The following CLYBL variants were observed in gnomAD, a reference collection of about 807,000 sequenced individuals.
The protein encoded by CLYBL is citramalyl-CoA lyase, also known as citramalyl-CoA lyase, mitochondrial.
A neutral mutation model predicts 38.9 loss-of-function variants in CLYBL; 31 were observed. That is an observed-to-expected ratio of 0.80 (90% CI 0.60 to 1.08). The LOEUF is 1.08. Ranked by LOEUF, CLYBL falls within the 50% of genes least tolerant of loss-of-function variation. The pLI is 0.00. For missense variants in CLYBL, 434 were observed against 411.6 expected (o/e 1.05, Z -0.47); for synonymous variants, 171 against 158.6 (o/e 1.08, Z -0.59).
intron 7 of CLYBL, chr13:99,884,898 G>A (rs765435571): frequency 2.2e-6 from 1 of 455,266 alleles, no homozygotes; most frequent in South Asian, 1.6e-5. Flanking sequence ...GACAACTACA[G>A]TCCCTTCCCT....
chr13:99,706,180 T>A (rs1200233489), intron 1 of CLYBL, among the ~76,000 whole-genome samples: 1 of 152,128 alleles, frequency 6.6e-6, no homozygotes, highest in Non-Finnish European at 1.5e-5. Context: ...TCCACCCACT[T>A]TGGCCTCCCA....
chr13:99,864,725 GAGTC>G, intron 4 of CLYBL, 89 bp from the exon 5 acceptor site: 1 of 819,268 alleles, frequency 1.2e-6, no homozygotes, highest in Non-Finnish European at 2.1e-6. Flanking sequence ...ACTGTGTTAA[GAGTC>G]AGGTCGTCCT....
At chr13:99,635,737 A>G (rs9517809) in intron 1 of CLYBL, among the ~76,000 whole-genome samples, 4,008 of 152,270 alleles carry the variant, frequency 0.026, 82 homozygotes, top group Middle Eastern at 0.11. Flanking sequence ...TTGGAGTTGG[A>G]CAGATTTGGT....
At chr13:99,634,766 A>G (rs1403093197) in intron 1 of CLYBL, among the ~76,000 whole-genome samples, 1 of 152,238 alleles carries the variant, frequency 6.6e-6, no homozygotes, top group Non-Finnish European at 1.5e-5. Context: ...TGTAAGGAAT[A>G]TGACAGAAAT....
intron 3 of CLYBL, among the ~76,000 whole-genome samples, chr13:99,862,765 G>A (rs766391332): frequency 6.6e-6 from 1 of 152,076 alleles, no homozygotes; most frequent in African/African-American, 2.4e-5. Context: ...TCCTTTGGGA[G>A]AAAAAAATTG....
intron 2 of CLYBL, among the ~76,000 whole-genome samples, chr13:99,842,376 C>T (rs187137668): frequency 2.6e-5 from 4 of 152,252 alleles, no homozygotes; most frequent in African/African-American, 9.6e-5. Flanking sequence ...AGAGAAAGAC[C>T]TTCCTGCTTC....
intron 1 of CLYBL, among the ~76,000 whole-genome samples, chr13:99,750,087 G>A (rs2048927090): frequency 6.6e-6 from 1 of 152,142 alleles, no homozygotes; most frequent in Non-Finnish European, 1.5e-5. Flanking sequence ...GTAACCATTG[G>A]AATTGCCAGA....
intron 6 of CLYBL, among the ~76,000 whole-genome samples, chr13:99,867,112 AG>A: frequency 6.6e-6 from 1 of 152,244 alleles, no homozygotes; most frequent in Non-Finnish European, 1.5e-5. Flanking sequence ...CCACAATAGG[AG>A]TCTACACACA....
At chr13:99,772,749 T>C (rs2049422666) in intron 1 of CLYBL, 75 bp from the exon 2 acceptor site, 2 of 1,216,864 alleles carry the variant, frequency 1.6e-6, no homozygotes, top group East Asian at 4.9e-5. Flanking sequence ...TAATTTTGCA[T>C]TAAAATATAG....
chr13:99,710,881 C>CT (rs748011707), intron 1 of CLYBL, among the ~76,000 whole-genome samples: 7,361 of 83,878 alleles, frequency 0.088, 270 homozygotes, highest in Admixed American at 0.13. Context: ...TTTCTAACCC[C>CT]TTTTTTTTTT....
intron 1 of CLYBL, among the ~76,000 whole-genome samples, chr13:99,646,286 A>C (rs897276002): frequency 2.0e-5 from 3 of 151,874 alleles, no homozygotes; most frequent in Non-Finnish European, 4.4e-5. Context: ...AGCCCCTTTT[A>C]ATTTCTAATG....
chr13:99,835,155 C>T (rs1047240758), intron 2 of CLYBL, among the ~76,000 whole-genome samples: 6 of 152,216 alleles, frequency 3.9e-5, no homozygotes, highest in Admixed American at 6.5e-5. Flanking sequence ...GTCGCCTCTA[C>T]CCTCTATGAG....
At chr13:99,822,801 C>T (rs1172898128) in intron 2 of CLYBL, among the ~76,000 whole-genome samples, 2 of 152,128 alleles carry the variant, frequency 1.3e-5, no homozygotes, top group Non-Finnish European at 2.9e-5. Context: ...TTTGTTCTTC[C>T]CCAAGTCTTT....
At chr13:99,738,689 C>T (rs1038793897) in intron 1 of CLYBL, among the ~76,000 whole-genome samples, 12 of 152,074 alleles carry the variant, frequency 7.9e-5, no homozygotes, top group African/African-American at 1.4e-4. Context: ...ATGGAAACCC[C>T]GAAAACTTAG....
At position 99,661,648 on chromosome 13, in the gene CLYBL, G is replaced by A. The variant is rs558275889; in HGVS notation, c.62+54891G>A. On this transcript the variant is annotated intron_variant, in intron 1 of 8. Transcript: ENST00000339105. ...CCAAGTATATTAAACATAAGAATTT[G>A]GGGTCTTTGTTACGGAAATAGATTT... Among the ~76,000 whole-genome samples the A allele has an allele frequency of 1.9e-4, 29 of 152,198 alleles. No homozygotes were observed. In the South Asian group the frequency reaches 5.6e-3, roughly 29 times the overall value.
chr13:99,681,332 T>G (rs914463749), intron 1 of CLYBL, among the ~76,000 whole-genome samples: 1 of 151,878 alleles, frequency 6.6e-6, no homozygotes, highest in Non-Finnish European at 1.5e-5. Flanking sequence ...CATTTAAGAG[T>G]ATAGGGGCAC....
chr13:99,842,414 G>T (rs115237567), intron 2 of CLYBL, among the ~76,000 whole-genome samples: 14 of 152,310 alleles, frequency 9.2e-5, no homozygotes, highest in African/African-American at 2.9e-4. Context: ...TACATTTTGG[G>T]TAGTGTGTCC....
chr13:99,674,952 T>A (rs2047621852), intron 1 of CLYBL, among the ~76,000 whole-genome samples: 1 of 152,202 alleles, frequency 6.6e-6, no homozygotes, highest in South Asian at 2.1e-4. Context: ...AAGGATGGCA[T>A]GAGCCCAGGA....
chr13:99,699,799 C>G (rs1056358977), intron 1 of CLYBL, among the ~76,000 whole-genome samples: 1 of 151,542 alleles, frequency 6.6e-6, no homozygotes, highest in African/African-American at 2.4e-5. Flanking sequence ...CGAGACCATC[C>G]TGGCTAACAA....
Sources: gnomAD v4.1 joint callset for allele counts (sites outside exome capture counted in the v4.1 genomes callset) on GRCh38, gnomAD v4.1.1 for gene constraint, MANE v1.5 for transcripts, NCBI Gene and HGNC (gene_info 2026-07-23, HGNC 2026-07-21) for gene names.